Variants in SHANK2 observed in about 807,000 individuals in gnomAD.
SHANK2 encodes the protein SH3 and multiple ankyrin repeat domains 2.
SHANK2 carries 43 observed loss-of-function variants against 133.7 expected under a neutral mutation model. That is an observed-to-expected ratio of 0.32 (90% CI 0.25 to 0.41). SHANK2 has a LOEUF of 0.41. SHANK2 is among the 10% of genes least tolerant of loss of function. The probability of loss-of-function intolerance (pLI) is 1.00; values close to 1 mark genes in which losing one functional copy is unlikely to be tolerated. For synonymous variants in SHANK2, 1,017 were observed against 952.8 expected (o/e 1.07, Z -1.24); for missense variants, 1,994 against 2,235.8 (o/e 0.89, Z 2.18).
In SHANK2 at chr11:70,809,840, C is replaced by T. The variant is rs969185909; in HGVS notation, c.1494-2669G>A. ...ATTGAGAGATGGGGGAGGCTGCAAG[C>T]AGCTAGGACTTCCCTGTCCCCTGTC... On this transcript the variant is annotated intron_variant, in intron 12 of 25. Coordinates refer to ENST00000601538, the MANE Select transcript of SHANK2 (RefSeq NM_012309.5). Among the ~76,000 whole-genome samples, 9 of 152,184 alleles carry T rather than the reference C, an allele frequency of 5.9e-5. No individual in the cohort carries two copies. The South Asian group carries it at 1.7e-3, about 28-fold the overall frequency.
At chr11:70,705,724 G>A (rs1182722908) in intron 14 of SHANK2, 3 of 152,236 alleles carry the variant, frequency 2.0e-5, no homozygotes, top group African/African-American at 7.2e-5. Flanking sequence ...CCCAGTCAGT[G>A]CTGGGATCAG....
chr11:70,705,597 C>T (rs1036056397), intron 14 of SHANK2: 5 of 152,164 alleles, frequency 3.3e-5, no homozygotes, highest in Non-Finnish European at 7.4e-5. Flanking sequence ...ACCCCTCTGC[C>T]TGTGATAAAG....
chr11:70,886,367 G>T (rs1268144737), intron 11 of SHANK2, among the ~76,000 whole-genome samples: 2 of 152,186 alleles, frequency 1.3e-5, no homozygotes, highest in African/African-American at 2.4e-5. Flanking sequence ...CCTTGGGAGG[G>T]TTTATTCTTA....
intron 10 of SHANK2, among the ~76,000 whole-genome samples, chr11:70,943,435 C>T (rs1310199990): frequency 6.6e-6 from 1 of 152,186 alleles, no homozygotes; most frequent in Non-Finnish European, 1.5e-5. Context: ...AGAACTAGGG[C>T]TCTGGCCAGG....
In SHANK2 at chr11:70,937,068, C is replaced by T. The variant is rs118109718; in HGVS notation, c.1108-40501G>A. ...TTGTAGCATCAGTCACATACTTCTGCCCTGACAAACCCCAGTCCTCTGCGT... is the reference window on the plus strand; with the variant it reads ...TTGTAGCATCAGTCACATACTTCTGTCCTGACAAACCCCAGTCCTCTGCGT... On this transcript the variant is annotated intron_variant, in intron 10 of 25. Transcript: ENST00000601538. Among the ~76,000 whole-genome samples the T allele has an allele frequency of 6.6e-4, 100 of 152,282 alleles. No individual in the cohort carries two copies. In the East Asian group the frequency reaches 0.017, roughly 25 times the overall value.
At chr11:70,932,640 T>C (rs1461448901) in intron 10 of SHANK2, among the ~76,000 whole-genome samples, 2 of 152,160 alleles carry the variant, frequency 1.3e-5, no homozygotes, top group Non-Finnish European at 2.9e-5. Flanking sequence ...CCAAAGCAAA[T>C]GCCAGGGTAC....
intron 3 of SHANK2, among the ~76,000 whole-genome samples, chr11:71,144,830 T>C (rs1952615356): frequency 1.3e-5 from 2 of 152,168 alleles, no homozygotes; most frequent in African/African-American, 2.4e-5. Flanking sequence ...TCAAATAAAA[T>C]AACATTGATG....
chr11:70,510,332 T>C (rs1427995942), intron 17 of SHANK2, among the ~76,000 whole-genome samples: 1 of 152,056 alleles, frequency 6.6e-6, no homozygotes. Flanking sequence ...GCACTGTCAT[T>C]GGAAAATGAC....
At chr11:70,871,455 G>A (rs1304227078) in intron 11 of SHANK2, among the ~76,000 whole-genome samples, 1 of 152,178 alleles carries the variant, frequency 6.6e-6, no homozygotes, top group Non-Finnish European at 1.5e-5. Flanking sequence ...TCTGAGATGA[G>A]CCACATAGCC....
At chr11:70,484,481 A>G (rs2058774863) in intron 25 of SHANK2, among the ~76,000 whole-genome samples, 1 of 152,116 alleles carries the variant, frequency 6.6e-6, no homozygotes, top group African/African-American at 2.4e-5. Flanking sequence ...AGAAGCCAAC[A>G]TCATGCTTCC....
intron 17 of SHANK2, among the ~76,000 whole-genome samples, chr11:70,637,465 T>G (rs535805525): frequency 1.2e-4 from 18 of 151,918 alleles, no homozygotes; most frequent in Admixed American, 1.2e-3. Flanking sequence ...CACGGCCAGC[T>G]CTCCTCCTGC....
At chr11:70,591,538 A>AAAAAAG (rs1353845458) in intron 17 of SHANK2, among the ~76,000 whole-genome samples, 8 of 126,982 alleles carry the variant, frequency 6.3e-5, no homozygotes, top group Non-Finnish European at 3.3e-5. Flanking sequence ...TGCTTTTCTT[A>AAAAAAG]AAAAAGAAAA....
intron 17 of SHANK2, among the ~76,000 whole-genome samples, chr11:70,548,681 GAA>G (rs1171790933): frequency 6.6e-6 from 1 of 152,230 alleles, no homozygotes; most frequent in East Asian, 1.9e-4. Flanking sequence ...ATTGTGGGTT[GAA>G]AAGTGTTACC....
At position 71,211,490 on chromosome 11, in the gene SHANK2, G is replaced by A. The variant is rs572045663; in HGVS notation, c.-13+13207C>T. On this transcript the variant is annotated intron_variant, in intron 2 of 25. Transcript: ENST00000601538. ...GAGGTCAAAGCTGCAGTGAGCCACG[G>A]TTGTGCCACTGCCCTCCAGCCTGGG... 4.6e-5 allele frequency among the ~76,000 whole-genome samples: 7 copies of A among 151,728 alleles called. No homozygotes were observed. The South Asian group carries it at 1.3e-3, about 27-fold the overall frequency.
At chr11:70,931,057 A>G (rs367989430) in intron 10 of SHANK2, among the ~76,000 whole-genome samples, 1 of 152,152 alleles carries the variant, frequency 6.6e-6, no homozygotes, top group Non-Finnish European at 1.5e-5. Flanking sequence ...AAGCCCCAAC[A>G]CACGCTAACA....
At chr11:70,759,593 T>C (rs868920722) in intron 14 of SHANK2, among the ~76,000 whole-genome samples, 2 of 152,190 alleles carry the variant, frequency 1.3e-5, no homozygotes, top group Non-Finnish European at 1.5e-5. Flanking sequence ...TGGCCGGCGT[T>C]AACACTAAAG....
intron 2 of SHANK2, among the ~76,000 whole-genome samples, chr11:71,156,965 C>T (rs1394735304): frequency 1.3e-5 from 2 of 152,168 alleles, no homozygotes; most frequent in Non-Finnish European, 2.9e-5. Flanking sequence ...AGCACCCTGC[C>T]AAGTATTATC....
intron 1 of SHANK2, among the ~76,000 whole-genome samples, chr11:71,230,615 A>T (rs1954726885): frequency 6.6e-6 from 1 of 151,396 alleles, no homozygotes; most frequent in Admixed American, 6.6e-5. Flanking sequence ...AACTAGGAAA[A>T]CTAACAGTTT....
chr11:70,940,536 C>T lies in SHANK2; in HGVS notation c.1108-43969G>A, dbSNP rs1555084228. 2.0e-5 allele frequency among the ~76,000 whole-genome samples: 3 copies of T among 152,084 alleles called. No individual in the cohort carries two copies. In the East Asian group the frequency reaches 5.8e-4, roughly 30 times the overall value. ...CCAAAGAATTTCTTCTGTTTCTACCCACCCAGGCAGTGGTCACTTATCACA... is the reference window on the plus strand; with the variant it reads ...CCAAAGAATTTCTTCTGTTTCTACCTACCCAGGCAGTGGTCACTTATCACA... On this transcript the variant is annotated intron_variant, in intron 10 of 25. Coordinates refer to ENST00000601538, the MANE Select transcript of SHANK2 (RefSeq NM_012309.5).
Sources: allele counts gnomAD v4.1 joint callset (sites outside exome capture counted in the v4.1 genomes callset), GRCh38; gene constraint gnomAD v4.1.1; transcripts MANE v1.5; gene names NCBI Gene and HGNC (gene_info 2026-07-23, HGNC 2026-07-21).